The following KATNIP variants were observed in gnomAD, a reference collection of about 807,000 sequenced individuals.
KATNIP encodes the protein katanin-interacting protein.
In KATNIP, 126 loss-of-function variants were observed where a neutral mutation model predicts 174.0. That is an observed-to-expected ratio of 0.72 (90% CI 0.63 to 0.84). The LOEUF is 0.84. Ranked by LOEUF, KATNIP falls within the 40% of genes least tolerant of loss-of-function variation. The pLI is 0.00. For synonymous variants in KATNIP, 810 were observed against 835.7 expected (o/e 0.97, Z 0.53); for missense variants, 1,958 against 2,109.7 (o/e 0.93, Z 1.41).
intron 1 of KATNIP, among the ~76,000 whole-genome samples, chr16:27,572,335 G>C (rs766708014): frequency 3.4e-5 from 5 of 145,074 alleles, no homozygotes; most frequent in Non-Finnish European, 6.0e-5. Flanking sequence ...TTAAATCCTA[G>C]GTTCTTTGTC....
At chr16:27,711,831 T>C (rs914778363) in intron 13 of KATNIP, among the ~76,000 whole-genome samples, 1 of 152,180 alleles carries the variant, frequency 6.6e-6, no homozygotes, top group Admixed American at 6.5e-5. Context: ...TCTAGATCAG[T>C]AGCTCTGTGA....
At chr16:27,683,519 C>T (rs1171371734) in intron 8 of KATNIP, among the ~76,000 whole-genome samples, 2 of 152,050 alleles carry the variant, frequency 1.3e-5, no homozygotes, top group Admixed American at 6.6e-5. Context: ...CAACCCCTGT[C>T]GGCATGTCAA....
chr16:27,577,406 G>A (rs1433784861), intron 2 of KATNIP, among the ~76,000 whole-genome samples: 2 of 151,894 alleles, frequency 1.3e-5, no homozygotes, highest in East Asian at 1.9e-4. Flanking sequence ...TTAAACAGGT[G>A]TGAGGCCAGG....
At chr16:27,778,356 T>C (rs1469094204) in intron 27 of KATNIP, among the ~76,000 whole-genome samples, 1 of 151,546 alleles carries the variant, frequency 6.6e-6, no homozygotes, top group African/African-American at 2.4e-5. Context: ...ATGTGAGGAG[T>C]GTGCCAGGCA....
chr16:27,724,214 G>C (rs1345507732), intron 14 of KATNIP, among the ~76,000 whole-genome samples: 1 of 152,118 alleles, frequency 6.6e-6, no homozygotes, highest in Non-Finnish European at 1.5e-5. Context: ...GGCACACTAA[G>C]AGCTTCTGGG....
chr16:27,716,002 A>G (rs188752546), intron 13 of KATNIP, among the ~76,000 whole-genome samples: 74 of 152,250 alleles, frequency 4.9e-4, no homozygotes, highest in Non-Finnish European at 9.3e-4. Flanking sequence ...TTGTACATGC[A>G]TGTTCATAGC....
rs2081064935 is a variant in KATNIP at position 27,740,530 on chromosome 16, T to C, written c.2233T>C (p.Cys745Arg). The C allele has an allele frequency of 1.2e-6, 2 of 1,614,048 alleles. No homozygotes were observed. The highest frequency in any genetic ancestry group is 3.3e-5 in the Admixed American group (2 of 60,024). Residue 745 changes from cysteine to arginine, a missense_variant, in exon 15 of 28, where the codon TGT (cysteine) becomes CGT (arginine). Around this residue, in one of 3 missense-constraint regions of KATNIP, gnomAD observed 1,557 missense variants for 1,617.8 expected, o/e 0.96. Coordinates refer to ENST00000261588, the MANE Select transcript of KATNIP (RefSeq NM_015202.5). ...QLENLMGRKI[C>R]EPPGKTPSWL... is the part of the protein sequence containing the mutation. The stretch of plus-strand genomic sequence containing the variant: ...GGAAAACCTCATGGGCAGAAAAATC[T>C]GTGAGCCACCCGGGAAAACCCCATC...
chr16:27,560,807 G>T (rs1172642410), intron 1 of KATNIP, among the ~76,000 whole-genome samples: 2 of 152,096 alleles, frequency 1.3e-5, no homozygotes, highest in Admixed American at 6.6e-5. Context: ...TCTTTCCTTT[G>T]TATGCCCAGC....
intron 3 of KATNIP, among the ~76,000 whole-genome samples, chr16:27,621,568 C>T (rs1442126443): frequency 2.6e-5 from 4 of 152,074 alleles, no homozygotes; most frequent in Admixed American, 6.6e-5. Context: ...CCATCCCAAG[C>T]TACGTTAGGC....
At chr16:27,619,105 G>A (rs1030257591) in intron 3 of KATNIP, among the ~76,000 whole-genome samples, 4 of 152,166 alleles carry the variant, frequency 2.6e-5, no homozygotes, top group Admixed American at 1.3e-4. Context: ...TCAGTTCACC[G>A]CAGTTTGTCT....
intron 5 of KATNIP, chr16:27,632,496 G>T: frequency 2.4e-6 from 1 of 412,076 alleles, no homozygotes. Context: ...GGCGGCATTA[G>T]CAGGATCTGA....
chr16:27,774,722 C>G (rs2082430668), intron 23 of KATNIP, among the ~76,000 whole-genome samples: 1 of 152,196 alleles, frequency 6.6e-6, no homozygotes, highest in African/African-American at 2.4e-5. Context: ...GTTTCCTTCT[C>G]TCTCTACTTG....
chr16:27,606,975 C>A (rs560025758), intron 2 of KATNIP, among the ~76,000 whole-genome samples: 1 of 152,270 alleles, frequency 6.6e-6, no homozygotes, highest in South Asian at 2.1e-4. Flanking sequence ...GTCTTCCTCC[C>A]TTCCCTAGTA....
In KATNIP at chr16:27,777,939, G is replaced by A. The variant is rs773490373; in HGVS notation, c.4771G>A (p.Ala1591Thr). 2.0e-5 allele frequency: 32 copies of A among 1,613,950 alleles called. No individual in the cohort carries two copies. The Admixed American group carries it at 2.5e-4, about 13-fold the overall frequency. ...GAATGAAAACCAAATCATTACCAACGCGAAACGGAAGCAGAGCGTTGTTGA... is the reference window on the plus strand; with the variant it reads ...GAATGAAAACCAAATCATTACCAACACGAAACGGAAGCAGAGCGTTGTTGA... ...MMNENQIITN[A>T]KRKQSVVDPA... The change falls in exon 27 of 28, where the codon GCG becomes ACG. Residue 1591 changes from alanine to threonine, a missense_variant. By Grantham distance (58) the Ala-to-Thr change is moderately conservative. Transcript: ENST00000261588. This position sits in a 1 kb window ranked among gnomAD's most constrained non-coding sequence, Gnocchi z 4.4.
intron 6 of KATNIP, among the ~76,000 whole-genome samples, chr16:27,666,912 T>C (rs1294511682): frequency 1.3e-5 from 2 of 152,198 alleles, no homozygotes; most frequent in Non-Finnish European, 2.9e-5. Flanking sequence ...TAATCTGTTA[T>C]GGATTACATA....
rs574770241 is a variant in KATNIP at position 27,596,161 on chromosome 16, G to T, written c.63+22205G>T. Among the ~76,000 whole-genome samples the T allele has an allele frequency of 5.3e-5, 8 of 152,296 alleles. No homozygotes were observed. The South Asian group carries it at 1.7e-3, about 32-fold the overall frequency. On this transcript the variant is annotated intron_variant, in intron 2 of 27. Coordinates refer to ENST00000261588, the MANE Select transcript of KATNIP (RefSeq NM_015202.5). The stretch of plus-strand genomic sequence containing the variant: ...GTGGGGAGAATGACCACAGGCGAAG[G>T]TGAAAGGAGGCAGTGGCTGCTGCAC...
At chr16:27,742,890 A>G (rs2081160566) in intron 15 of KATNIP, among the ~76,000 whole-genome samples, 1 of 151,440 alleles carries the variant, frequency 6.6e-6, no homozygotes, top group South Asian at 2.1e-4. Context: ...CACGTGCAGG[A>G]TGTGCAGGTT....
chr16:27,707,888 G>GC (rs1256948804), intron 12 of KATNIP, among the ~76,000 whole-genome samples: 2 of 152,040 alleles, frequency 1.3e-5, no homozygotes, highest in South Asian at 4.1e-4. Context: ...TTGGATTAGT[G>GC]CCCCCCTCCC....
intron 5 of KATNIP, 44 bp downstream of exon 5, chr16:27,631,206 G>A (rs2076478295): frequency 7.2e-7 from 1 of 1,382,770 alleles, no homozygotes; most frequent in African/African-American, 1.4e-5. Flanking sequence ...AATACAGAGT[G>A]TGGGTGGCTG....
Sources: gnomAD v4.1 joint callset for allele counts (sites outside exome capture counted in the v4.1 genomes callset) on GRCh38, gnomAD v4.1.1 for gene constraint, gnomAD v4.1.1 regional missense constraint, Gnocchi (gnomAD v3.1) non-coding constraint, MANE v1.5 for transcripts, NCBI Gene and HGNC (gene_info 2026-07-23, HGNC 2026-07-21) for gene names.